SUDS3: variants seen among roughly 807,000 people sequenced by gnomAD.
SUDS3 encodes sin3 histone deacetylase corepressor complex component SDS3.
Under a neutral mutation model 53.5 loss-of-function variants are expected in SUDS3, and 23 were observed. That is an observed-to-expected ratio of 0.43 (90% CI 0.31 to 0.61). The LOEUF (loss-of-function observed/expected upper bound fraction) is 0.61, where lower values mean the gene tolerates loss of function less well. Ranked by LOEUF, SUDS3 falls within the 20% of genes least tolerant of loss-of-function variation. The probability of loss-of-function intolerance (pLI) is 0.10; values close to 1 mark genes in which losing one functional copy is unlikely to be tolerated. For missense variants in SUDS3, 291 were observed against 405.9 expected (o/e 0.72, Z 2.43); for synonymous variants, 150 against 148.5 (o/e 1.01, Z -0.08).
intron 2 of SUDS3, among the ~76,000 whole-genome samples, chr12:118,383,048 A>G (rs746088209): frequency 6.6e-6 from 1 of 152,208 alleles, no homozygotes; most frequent in South Asian, 2.1e-4. Flanking sequence ...TCTAAAGTGC[A>G]TCAGAATTTG....
At position 118,389,937 on chromosome 12, in the gene SUDS3, C is replaced by T. The variant is rs375696563; in HGVS notation, c.351C>T (p.Leu117=). The T allele has an allele frequency of 2.5e-4, 405 of 1,614,042 alleles. 1 individual carries two copies. Among genetic ancestry groups the T allele is most frequent in the Non-Finnish European group, 2.7e-4 (318 of 1,179,900 alleles). ...KERIRNAELF[L]QLETEQVERN... The stretch of plus-strand genomic sequence containing the variant: ...TTTTATCTCTTGCAGAACTCTTCCT[C>T]CAGCTGGAAGTAAGTACCACGGATC... The change falls in exon 5 of 12, where the codon CTC becomes CTT. Residue 117 remains leucine (L), a synonymous_variant. Transcript: ENST00000543473.
intron 1 of SUDS3, among the ~76,000 whole-genome samples, chr12:118,379,786 C>T (rs1369564831): frequency 6.6e-6 from 1 of 152,106 alleles, no homozygotes; most frequent in African/African-American, 2.4e-5. Flanking sequence ...CCTGAGACAC[C>T]CTATTCTGTG....
At chr12:118,391,678 A>G (rs2046169375) in intron 6 of SUDS3, among the ~76,000 whole-genome samples, 1 of 152,222 alleles carries the variant, frequency 6.6e-6, no homozygotes, top group Admixed American at 6.5e-5. Context: ...TGCTTACGCA[A>G]GTCCCTCTGT....
intron 1 of SUDS3, among the ~76,000 whole-genome samples, chr12:118,378,955 G>C (rs568000367): frequency 6.7e-6 from 1 of 148,818 alleles, no homozygotes; most frequent in African/African-American, 2.5e-5. Flanking sequence ...GATTACAGGC[G>C]TGAGCCACTG....
chr12:118,394,936 T>C (rs1369860746), intron 6 of SUDS3, among the ~76,000 whole-genome samples: 1 of 152,168 alleles, frequency 6.6e-6, no homozygotes, highest in African/African-American at 2.4e-5. Flanking sequence ...CTGCCTGCCT[T>C]GGTCTCCCAA....
chr12:118,407,511 T>C lies in SUDS3; in HGVS notation c.804-3562T>C, dbSNP rs116550267. Among the ~76,000 whole-genome samples, 1,463 of 152,240 alleles carry C rather than the reference T, an allele frequency of 9.6e-3. 28 individuals are homozygous for C. The highest frequency in any genetic ancestry group is 0.033 in the African/African-American group (1,373 of 41,534). On this transcript the variant is annotated intron_variant, in intron 10 of 11. Coordinates refer to ENST00000543473, the MANE Select transcript of SUDS3 (RefSeq NM_022491.3). ...GTTCCAGACCACTTCCCAGAGGTAA[T>C]AGACCAGCTTGCATTGTTTACTCTG...
intron 1 of SUDS3, among the ~76,000 whole-genome samples, chr12:118,378,912 T>C (rs1809355911): frequency 1.3e-5 from 2 of 151,978 alleles, no homozygotes; most frequent in South Asian, 4.1e-4. Context: ...CGACCTCAGG[T>C]GATCCACCTG....
intron 1 of SUDS3, 97 bp downstream of exon 1, chr12:118,376,930 G>T (rs1473287424): frequency 7.5e-7 from 1 of 1,339,954 alleles, no homozygotes; most frequent in African/African-American, 1.5e-5. Context: ...GGCCTCCGGG[G>T]CCTGGGGCTG....
chr12:118,391,597 G>A (rs956598505), intron 6 of SUDS3, among the ~76,000 whole-genome samples: 3 of 152,294 alleles, frequency 2.0e-5, no homozygotes, highest in Middle Eastern at 6.8e-3. Context: ...AATAGTAATT[G>A]CAAGCTCTGG....
chr12:118,382,693 G>A (rs1309970373), intron 2 of SUDS3, among the ~76,000 whole-genome samples: 1 of 139,980 alleles, frequency 7.1e-6, no homozygotes, highest in African/African-American at 2.7e-5. Flanking sequence ...TAAGAGACAG[G>A]GTCTTGCTCT....
chr12:118,380,572 T>A (rs999877661), intron 2 of SUDS3, among the ~76,000 whole-genome samples: 2 of 152,236 alleles, frequency 1.3e-5, no homozygotes, highest in Non-Finnish European at 2.9e-5. Context: ...TTACAATTTC[T>A]CCACTTTAAA....
At chr12:118,389,861 C>G in intron 4 of SUDS3, 66 bp from the exon 5 acceptor site, 1 of 1,592,022 alleles carries the variant, frequency 6.3e-7, no homozygotes, top group Admixed American at 1.7e-5. Flanking sequence ...TAAATGAATG[C>G]TAACATCACT....
chr12:118,395,808 C>T (rs1566203259), intron 6 of SUDS3, among the ~76,000 whole-genome samples: 1 of 152,148 alleles, frequency 6.6e-6, no homozygotes, highest in South Asian at 2.1e-4. Context: ...TCTCCTGCCT[C>T]AGCCTCCCGA....
chr12:118,386,764 TG>T (rs769813466), intron 4 of SUDS3, among the ~76,000 whole-genome samples: 2 of 152,314 alleles, frequency 1.3e-5, no homozygotes, highest in Non-Finnish European at 2.9e-5. Context: ...TTAGGACACT[TG>T]GTGTTTCATT....
rs551369027 is a variant in SUDS3 at position 118,383,903 on chromosome 12, G to A, written c.213-109G>A. 2.2e-4 allele frequency: 208 copies of A among 927,486 alleles called. 1 individual carries two copies. The highest frequency in any genetic ancestry group is 1.5e-3 in the Middle Eastern group (7 of 4,606). The allele number at this position is 927,486 out of a possible 1,614,324, so 57.5% of individuals were successfully genotyped here. On this transcript the variant is annotated intron_variant, in intron 2 of 11. Transcript: ENST00000543473. ...CTTTACTTTCCTCTCTTCCCTGAAG[G>A]ACATTAATGACCTTCCCATAACAGC...
chr12:118,416,605 G>A lies in SUDS3; in HGVS notation c.*2172G>A, dbSNP rs2046402721. On this transcript the variant is annotated 3_prime_UTR_variant, in exon 12 of 12. Transcript: ENST00000543473. The stretch of plus-strand genomic sequence containing the variant: ...GAAGTCCATTTTGAGAATCAGCATA[G>A]TAAATTACATTTCTAATCCCAGAGG... The A allele has an allele frequency of 1.3e-5, 2 of 152,140 alleles. No homozygotes were observed. The highest frequency in any genetic ancestry group is 2.9e-5 in the Non-Finnish European group (2 of 68,024). The allele number at this position is 152,140 out of a possible 1,614,324, so 9.4% of individuals were successfully genotyped here.
intron 6 of SUDS3, among the ~76,000 whole-genome samples, chr12:118,399,425 C>T (rs1027419539): frequency 1.6e-4 from 24 of 152,250 alleles, no homozygotes; most frequent in South Asian, 6.2e-4. Context: ...TCGTTTGAAC[C>T]GGGGAGGCAG....
At chr12:118,395,774 C>T (rs1260610464) in intron 6 of SUDS3, among the ~76,000 whole-genome samples, 2 of 152,066 alleles carry the variant, frequency 1.3e-5, no homozygotes, top group African/African-American at 4.8e-5. Context: ...TCACTGTACC[C>T]TCTGCCTCCT....
intron 10 of SUDS3, among the ~76,000 whole-genome samples, chr12:118,408,798 G>A (rs11068934): frequency 6.6e-6 from 1 of 151,836 alleles, no homozygotes; most frequent in Non-Finnish European, 1.5e-5. Flanking sequence ...AGTTGTATCA[G>A]AATGACTTGA....
Sources: gnomAD v4.1 joint callset for allele counts (sites outside exome capture counted in the v4.1 genomes callset) on GRCh38, gnomAD v4.1.1 for gene constraint, MANE v1.5 for transcripts, NCBI Gene and HGNC (gene_info 2026-07-23, HGNC 2026-07-21) for gene names.